The following NBEA variants were observed in gnomAD, a reference collection of about 807,000 sequenced individuals.
NBEA encodes the protein lysosomal-trafficking regulator 2.
NBEA carries 44 observed loss-of-function variants against 343.4 expected under a neutral mutation model. That is an observed-to-expected ratio of 0.13 (90% confidence interval 0.10 to 0.16). The LOEUF (loss-of-function observed/expected upper bound fraction) is 0.16, where lower values mean the gene tolerates loss of function less well. NBEA is among the 10% of genes least tolerant of loss of function. NBEA has a pLI of 1.00. For missense variants in NBEA, 2,555 were observed against 3,631.3 expected, an observed-to-expected ratio of 0.70 and a Z score of 7.62; for synonymous variants, 1,175 against 1,238.7, an observed-to-expected ratio of 0.95 and a Z score of 1.08.
chr13:35,652,562 A>C (rs2084587490), intron 53 of NBEA, among the ~76,000 whole-genome samples: 1 of 148,582 alleles, frequency 6.7e-6, no homozygotes, highest in Non-Finnish European at 1.5e-5. Context: ...AATGGCGTGA[A>C]CCTGGGAGGC....
chr13:35,212,371 A>G (rs986680706), intron 33 of NBEA, among the ~76,000 whole-genome samples: 5 of 152,050 alleles, frequency 3.3e-5, no homozygotes, highest in South Asian at 2.1e-4. Flanking sequence ...TTATTTATTT[A>G]TGTGTCTATA....
chr13:35,162,085 T>G (rs890862792), intron 23 of NBEA, 118 bp downstream of exon 23: 6 of 762,308 alleles, frequency 7.9e-6, no homozygotes, highest in Admixed American at 5.9e-5. Flanking sequence ...TCCACATTTT[T>G]CTTGTATCTT....
At chr13:35,593,565 T>A in intron 47 of NBEA, 118 bp downstream of exon 47, 1 of 666,420 alleles carries the variant, frequency 1.5e-6, no homozygotes. Flanking sequence ...CATATTAAAA[T>A]TATATGGTAC....
At chr13:35,492,519 GATCAGTAGAAGGAAA>G (rs2076538701) in intron 41 of NBEA, among the ~76,000 whole-genome samples, 2 of 151,894 alleles carry the variant, frequency 1.3e-5, no homozygotes. Context: ...CTATCTCCAA[GATCAGTAGAAGGAAA>G]TGGTATCATT....
chr13:35,601,824 G>T (rs931660477), intron 47 of NBEA, among the ~76,000 whole-genome samples: 17 of 149,746 alleles, frequency 1.1e-4, no homozygotes, highest in Middle Eastern at 3.3e-3. Flanking sequence ...ACTTTAAAAG[G>T]CAGAATACAG....
At chr13:35,259,468 A>G (rs1165571221) in intron 34 of NBEA, among the ~76,000 whole-genome samples, 1 of 152,128 alleles carries the variant, frequency 6.6e-6, no homozygotes, top group Non-Finnish European at 1.5e-5. Context: ...AATGGTCACT[A>G]ACACTTTAAA....
At chr13:35,130,542 A>T (rs1190032257) in intron 17 of NBEA, among the ~76,000 whole-genome samples, 1 of 152,080 alleles carries the variant, frequency 6.6e-6, no homozygotes, top group Non-Finnish European at 1.5e-5. Flanking sequence ...AAAAGTTTCA[A>T]ATGCGTATAC....
Position 35,232,492 on chromosome 13 carries a change from C to T in NBEA, c.5649C>T (p.Ser1883=), listed in dbSNP as rs774977497. The change falls in exon 34 of 59, where the codon AGC becomes AGT. Residue 1883 remains serine, a splice_region_variant and synonymous_variant. Transcript: ENST00000379939. ...PMPEDSAENM[S]ITAKLERALE... is the part of the protein sequence containing the mutation. The stretch of plus-strand genomic sequence containing the variant: ...AGTTTTTATGTCTTAATTTCAACAG[C>T]ATCACTGCAAAACTTGAAAGAGCGT... 1 of 1,536,858 alleles carries T rather than the reference C, an allele frequency of 6.5e-7. No homozygotes were observed. The highest frequency in any genetic ancestry group is 1.2e-5 in the South Asian group (1 of 81,662).
In NBEA at chr13:35,631,638, T is replaced by TAAAAA. The variant is rs59333937; in HGVS notation, c.7617+3409_7617+3413dup. Among the ~76,000 whole-genome samples, 536 of 126,414 alleles carry TAAAAA rather than the reference T, an allele frequency of 4.2e-3. 4 individuals carry two copies. The highest frequency in any genetic ancestry group is 0.016 in the African/African-American group (508 of 32,536). 82.9% of individuals were successfully genotyped at this position (126,414 alleles called of 152,430 possible). On this transcript the variant is annotated intron_variant, in intron 49 of 58. Transcript: ENST00000379939. ...TGAATATCTATATATGTCTCCTTTG[T>TAAAAA]AAAAAAAAAAAAAAAAAAAAAAATT... is the stretch of plus-strand genomic sequence containing the variant.
At chr13:35,441,305 C>T (rs2045726668) in intron 39 of NBEA, among the ~76,000 whole-genome samples, 1 of 152,158 alleles carries the variant, frequency 6.6e-6, no homozygotes, top group African/African-American at 2.4e-5. Context: ...TCTGTACAAA[C>T]ATGATTTTCT....
chr13:35,298,181 G>GTGTA (rs2036264847), intron 35 of NBEA, among the ~76,000 whole-genome samples: 1 of 111,018 alleles, frequency 9.0e-6, no homozygotes, highest in African/African-American at 3.1e-5. Context: ...CAGTGTGTGT[G>GTGTA]TGTGTATGTG....
At chr13:35,621,104 T>G (rs1392934122) in intron 48 of NBEA, among the ~76,000 whole-genome samples, 1 of 152,210 alleles carries the variant, frequency 6.6e-6, no homozygotes, top group Non-Finnish European at 1.5e-5. Context: ...CGAATGCTTA[T>G]TCATCTATGT....
intron 1 of NBEA, among the ~76,000 whole-genome samples, chr13:34,954,248 G>A (rs966651425): frequency 6.6e-6 from 1 of 152,118 alleles, no homozygotes; most frequent in Non-Finnish European, 1.5e-5. Context: ...GGTAACCACA[G>A]GGGGCCCTGG....
At chr13:35,056,197 TTAAA>T in intron 7 of NBEA, 68 bp downstream of exon 7, 1 of 1,256,536 alleles carries the variant, frequency 8.0e-7, no homozygotes, top group Middle Eastern at 2.0e-4. Context: ...ACAATATGAA[TTAAA>T]TAATAAAATA....
chr13:35,113,589 C>CCA (rs2066329426), intron 13 of NBEA, among the ~76,000 whole-genome samples: 1 of 142,372 alleles, frequency 7.0e-6, no homozygotes, highest in African/African-American at 2.6e-5. Flanking sequence ...CTCCACTCAT[C>CCA]TATCTATCTA....
At chr13:35,492,270 C>T (rs1268909343) in intron 41 of NBEA, among the ~76,000 whole-genome samples, 2 of 151,684 alleles carry the variant, frequency 1.3e-5, no homozygotes, top group African/African-American at 4.8e-5. Flanking sequence ...GATGGGTGCA[C>T]CAAAATCTCA....
chr13:35,552,978 T>A (rs1282766740), intron 43 of NBEA, among the ~76,000 whole-genome samples: 1 of 151,880 alleles, frequency 6.6e-6, no homozygotes, highest in Non-Finnish European at 1.5e-5. Flanking sequence ...GCAGCCTTGA[T>A]GTCCCCAGGC....
chr13:35,061,917 A>T (rs1229315028), intron 8 of NBEA, among the ~76,000 whole-genome samples: 3 of 151,614 alleles, frequency 2.0e-5, no homozygotes, highest in African/African-American at 7.3e-5. Flanking sequence ...TGATATCCTT[A>T]TTTTTTGCTT....
At chr13:35,222,303 T>A (rs1428687029) in intron 33 of NBEA, among the ~76,000 whole-genome samples, 1 of 152,080 alleles carries the variant, frequency 6.6e-6, no homozygotes, top group South Asian at 2.1e-4. Context: ...TAGTGAAGGG[T>A]TTTGATGGTA....
Sources: allele counts gnomAD v4.1 joint callset (sites outside exome capture counted in the v4.1 genomes callset), GRCh38; gene constraint gnomAD v4.1.1; transcripts MANE v1.5; gene names NCBI Gene and HGNC (gene_info 2026-07-23, HGNC 2026-07-21).